The following MYRIP variants were observed in gnomAD, a reference collection of about 807,000 sequenced individuals.
MYRIP encodes the protein rab effector MyRIP.
MYRIP carries 49 observed loss-of-function variants against 98.0 expected under a neutral mutation model. The observed-to-expected ratio is 0.50, with a 90% CI of 0.40 to 0.63. The LOEUF (loss-of-function observed/expected upper bound fraction) is 0.63. Among genes scored for constraint, MYRIP ranks in the 30% least tolerant of loss-of-function variants. The pLI is 0.00. For missense variants in MYRIP, 1,004 were observed against 1,058.2 expected (o/e 0.95, Z 0.71); for synonymous variants, 404 against 409.5 (o/e 0.99, Z 0.16).
At chr3:40,205,803 A>AT (rs11426045) in intron 10 of MYRIP, among the ~76,000 whole-genome samples, 8,017 of 147,216 alleles carry the variant, frequency 0.054, 663 homozygotes, top group African/African-American at 0.18. Context: ...GTAGAAGAGC[A>AT]TTTTTTTTTT....
At chr3:39,856,541 C>T (rs1348981905) in intron 1 of MYRIP, among the ~76,000 whole-genome samples, 3 of 152,186 alleles carry the variant, frequency 2.0e-5, no homozygotes, top group Non-Finnish European at 4.4e-5. Context: ...GGCAATTATA[C>T]AGCCCAGCCA....
chr3:40,053,862 T>A (rs1446506579), intron 3 of MYRIP, among the ~76,000 whole-genome samples: 2 of 152,148 alleles, frequency 1.3e-5, no homozygotes, highest in Non-Finnish European at 2.9e-5. Flanking sequence ...AAGGCACTTG[T>A]GTCTACAAGG....
intron 2 of MYRIP, among the ~76,000 whole-genome samples, chr3:39,983,574 T>C (rs537334603): frequency 1.6e-4 from 24 of 152,274 alleles, no homozygotes; most frequent in South Asian, 1.0e-3. Flanking sequence ...ACAAATAGCC[T>C]GCCACTGGAT....
chr3:40,068,578 T>C (rs962410853), intron 3 of MYRIP, among the ~76,000 whole-genome samples: 5 of 152,214 alleles, frequency 3.3e-5, no homozygotes, highest in African/African-American at 1.2e-4. Flanking sequence ...CATTAATCTT[T>C]TTATCAACTT....
chr3:40,075,447 C>A (rs1948323210), intron 3 of MYRIP, among the ~76,000 whole-genome samples: 1 of 152,188 alleles, frequency 6.6e-6, no homozygotes, highest in African/African-American at 2.4e-5. Context: ...AGGGCGAGAG[C>A]ATGGCTTTGG....
chr3:40,151,965 A>G (rs1559422941), intron 4 of MYRIP, among the ~76,000 whole-genome samples: 2 of 152,218 alleles, frequency 1.3e-5, no homozygotes, highest in Non-Finnish European at 2.9e-5. Context: ...TGTTTTCTCA[A>G]TAAAGTCTTT....
chr3:40,029,978 T>G (rs1159306218), intron 2 of MYRIP, among the ~76,000 whole-genome samples: 1 of 152,054 alleles, frequency 6.6e-6, no homozygotes, highest in Non-Finnish European at 1.5e-5. Flanking sequence ...GAGGATCACT[T>G]GAGCCCAGGA....
intron 2 of MYRIP, among the ~76,000 whole-genome samples, chr3:39,901,183 T>C (rs888237003): frequency 1.3e-5 from 2 of 152,242 alleles, no homozygotes; most frequent in Non-Finnish European, 2.9e-5. Context: ...TGAGTGGAGC[T>C]TGTGGTGAAC....
chr3:39,984,372 C>T (rs974993284), intron 2 of MYRIP, among the ~76,000 whole-genome samples: 3 of 152,032 alleles, frequency 2.0e-5, no homozygotes, highest in African/African-American at 4.8e-5. Flanking sequence ...GCTGTCCCTC[C>T]GCCCTCCCCC....
intron 1 of MYRIP, among the ~76,000 whole-genome samples, chr3:39,815,801 C>T (rs1940883564): frequency 6.6e-6 from 1 of 151,758 alleles, no homozygotes. Context: ...TTTAAATATT[C>T]ACCAAGAGTA....
At chr3:40,180,575 C>T (rs537129883) in intron 8 of MYRIP, among the ~76,000 whole-genome samples, 2 of 152,332 alleles carry the variant, frequency 1.3e-5, no homozygotes, top group Admixed American at 6.5e-5. Flanking sequence ...TGAACCTTAT[C>T]GACGCACAGT....
intron 2 of MYRIP, among the ~76,000 whole-genome samples, chr3:39,998,146 C>T (rs1946417080): frequency 6.6e-6 from 1 of 152,176 alleles, no homozygotes; most frequent in South Asian, 2.1e-4. Context: ...CCCTCTCTCA[C>T]CACTCCTATT....
chr3:39,916,828 A>G (rs1277056289), intron 2 of MYRIP, among the ~76,000 whole-genome samples: 2 of 152,162 alleles, frequency 1.3e-5, no homozygotes, highest in Non-Finnish European at 1.5e-5. Flanking sequence ...TGATAGCCAC[A>G]TAGATATCTT....
chr3:40,039,340 G>A (rs1947458550), intron 2 of MYRIP, among the ~76,000 whole-genome samples: 1 of 152,048 alleles, frequency 6.6e-6, no homozygotes, highest in South Asian at 2.1e-4. Flanking sequence ...AAAAAGTCTT[G>A]TCTAACTTTT....
At chr3:40,064,461 G>T (rs1467613721) in intron 3 of MYRIP, among the ~76,000 whole-genome samples, 1 of 152,158 alleles carries the variant, frequency 6.6e-6, no homozygotes, top group Non-Finnish European at 1.5e-5. Context: ...TGTCTAAGGT[G>T]TTTTCAGCAG....
chr3:39,981,909 GAACT>G (rs1167566574), intron 2 of MYRIP, among the ~76,000 whole-genome samples: 12 of 152,062 alleles, frequency 7.9e-5, no homozygotes, highest in Non-Finnish European at 1.6e-4. Context: ...AAATAAAAGT[GAACT>G]GATTGGATTG....
chr3:40,218,364 A>G (rs1952188758), intron 11 of MYRIP, among the ~76,000 whole-genome samples: 1 of 151,912 alleles, frequency 6.6e-6, no homozygotes, highest in African/African-American at 2.4e-5. Flanking sequence ...AGGCAAAACT[A>G]TAAGGACAAA....
chr3:39,814,931 G>C (rs1435514811), intron 1 of MYRIP, among the ~76,000 whole-genome samples: 1 of 152,048 alleles, frequency 6.6e-6, no homozygotes, highest in East Asian at 1.9e-4. Flanking sequence ...ATTCTACAAG[G>C]CTTTATAATA....
chr3:40,053,715 C>G (rs1947833857), intron 3 of MYRIP, among the ~76,000 whole-genome samples: 1 of 152,168 alleles, frequency 6.6e-6, no homozygotes, highest in African/African-American at 2.4e-5. Flanking sequence ...GCCTGAGCCT[C>G]TGGGTCCCCT....
Sources: gnomAD v4.1 joint callset for allele counts (sites outside exome capture counted in the v4.1 genomes callset) on GRCh38, gnomAD v4.1.1 for gene constraint, MANE v1.5 for transcripts, NCBI Gene and HGNC (gene_info 2026-07-23, HGNC 2026-07-21) for gene names.